MOV10L1: variants seen among roughly 807,000 people sequenced by gnomAD.
The protein encoded by MOV10L1 is Mov10 like RNA helicase 1, also known as RNA helicase Mov10l1.
Under a neutral mutation model 143.8 loss-of-function variants are expected in MOV10L1, and 110 were observed. The ratio of observed to expected loss-of-function variants is 0.76; its 90% CI spans 0.66 to 0.90. MOV10L1 has a LOEUF of 0.90. MOV10L1 is among the 40% of genes least tolerant of loss of function. MOV10L1 has a pLI of 0.00. For synonymous variants in MOV10L1, 593 were observed against 581.1 expected, an observed-to-expected ratio of 1.02 and a Z score of -0.29; for missense variants, 1,406 against 1,526.8, an observed-to-expected ratio of 0.92 and a Z score of 1.32.
Position 50,142,204 on chromosome 22 carries a change from G to A in MOV10L1, c.2179+15G>A. 6.3e-7 allele frequency: 1 copy of A among 1,594,720 alleles called. No homozygotes were observed. The highest frequency in any genetic ancestry group is 8.5e-7 in the Non-Finnish European group (1 of 1,170,576). On this transcript the variant is annotated intron_variant, in intron 16 of 26. Coordinates refer to ENST00000262794, the MANE Select transcript of MOV10L1 (RefSeq NM_018995.3). The stretch of plus-strand genomic sequence containing the variant: ...GAGCGATTGGGGTATGTGCTCATGA[G>A]GGGCAAGGAGAAGAGCAACTCTGAG...
chr22:50,148,491 A>T (rs951124475), intron 19 of MOV10L1, among the ~76,000 whole-genome samples: 4 of 152,098 alleles, frequency 2.6e-5, no homozygotes, highest in Admixed American at 1.3e-4. Flanking sequence ...TCCATCAGCA[A>T]CGCTGTGGAC....
intron 13 of MOV10L1, among the ~76,000 whole-genome samples, chr22:50,130,615 C>G (rs950802794): frequency 2.0e-5 from 3 of 152,088 alleles, no homozygotes; most frequent in African/African-American, 7.2e-5. Flanking sequence ...GATGAGAGAC[C>G]CCAGCATGTG....
At position 50,159,200 on chromosome 22, in the gene MOV10L1, C is replaced by T. The variant is rs556568558; in HGVS notation, c.3217-478C>T. 3 of 152,356 alleles carry T rather than the reference C, an allele frequency of 2.0e-5. No homozygotes were observed. The highest frequency in any genetic ancestry group is 4.1e-4 in the South Asian group (2 of 4,828). 9.4% of individuals were successfully genotyped at this position (152,356 alleles called of 1,614,324 possible). On this transcript the variant is annotated intron_variant, in intron 23 of 26. Transcript: ENST00000262794. This position sits in a 1 kb window ranked among gnomAD's most constrained non-coding sequence, Gnocchi z 4.1. ...TCCCCCGTCCCCAGTTTAACTAAAA[C>T]TGCAATTTGTGTTCTAATCAATTCA...
At chr22:50,106,865 C>T (rs1266787145) in intron 3 of MOV10L1, among the ~76,000 whole-genome samples, 1 of 151,424 alleles carries the variant, frequency 6.6e-6, no homozygotes, top group East Asian at 2.0e-4. Context: ...CCACGCCTGG[C>T]TAATTTTTTG....
chr22:50,115,557 A>C (rs1045791579), intron 8 of MOV10L1, among the ~76,000 whole-genome samples: 1 of 152,158 alleles, frequency 6.6e-6, no homozygotes, highest in Non-Finnish European at 1.5e-5. Flanking sequence ...TCTCAAAAAA[A>C]CAAAAAGGTA....
chr22:50,134,703 G>A lies in MOV10L1; in HGVS notation c.2070+73G>A, dbSNP rs1008873778. On this transcript the variant is annotated intron_variant, in intron 15 of 26. Transcript: ENST00000262794. ...ACGTGGCTGTCTTTACATAGGGGGTGGCTCAGCGGCGTGACTGTCTCTACA... is the reference window on the plus strand; with the variant it reads ...ACGTGGCTGTCTTTACATAGGGGGTAGCTCAGCGGCGTGACTGTCTCTACA... 29 of 1,324,514 alleles carry A rather than the reference G, an allele frequency of 2.2e-5. No individual in the cohort carries two copies. The Middle Eastern group carries it at 5.4e-4, about 25-fold the overall frequency. The allele number at this position is 1,324,514 out of a possible 1,614,324, so 82.0% of individuals were successfully genotyped here. A position where few individuals can be genotyped will look rare whatever the true frequency, so the allele number is the denominator to read the frequency against.
chr22:50,121,174 G>A (rs963251123), intron 10 of MOV10L1, among the ~76,000 whole-genome samples: 1 of 152,196 alleles, frequency 6.6e-6, no homozygotes, highest in Admixed American at 6.5e-5. Context: ...GGTTTGAGGT[G>A]TTCTGAGAGT....
chr22:50,103,225 C>T lies in MOV10L1; in HGVS notation c.442+3623C>T, dbSNP rs1282462137. ...GGGGCACGTGACTGGAGGAAGAGAC[C>T]GTGCTTGTGCATGTTTGAACAGCAC... On this transcript the variant is annotated intron_variant, in intron 3 of 26. Coordinates refer to ENST00000262794, the MANE Select transcript of MOV10L1 (RefSeq NM_018995.3). Among the ~76,000 whole-genome samples, 8 of 152,174 alleles carry T rather than the reference C, an allele frequency of 5.3e-5. No homozygotes were observed. In the East Asian group the frequency reaches 9.6e-4, roughly 18 times the overall value.
rs569375943 is a variant in MOV10L1 at position 50,135,281 on chromosome 22, G to A, written c.2070+651G>A. ...CCCTCCTCGGCCTCCCAAAGTGCTGGAATTACAGGCGTGAGCCACCACACC... is the reference window on the plus strand; with the variant it reads ...CCCTCCTCGGCCTCCCAAAGTGCTGAAATTACAGGCGTGAGCCACCACACC... On this transcript the variant is annotated intron_variant, in intron 15 of 26. Coordinates refer to ENST00000262794, the MANE Select transcript of MOV10L1 (RefSeq NM_018995.3). Among the ~76,000 whole-genome samples the A allele has an allele frequency of 3.3e-5, 5 of 151,944 alleles. No individual in the cohort carries two copies. The South Asian group carries it at 1.0e-3, about 32-fold the overall frequency.
intron 10 of MOV10L1, among the ~76,000 whole-genome samples, chr22:50,123,745 C>CA (rs2062417712): frequency 6.6e-6 from 1 of 152,166 alleles, no homozygotes; most frequent in Non-Finnish European, 1.5e-5. Context: ...AGTTAGTCTT[C>CA]AAATGTTTGG....
At chr22:50,100,538 G>T (rs1201234093) in intron 3 of MOV10L1, among the ~76,000 whole-genome samples, 3 of 151,522 alleles carry the variant, frequency 2.0e-5, no homozygotes, top group Non-Finnish European at 2.9e-5. Flanking sequence ...TTTTGAGATG[G>T]AGTCTCACCC....
chr22:50,099,740 G>A (rs530145374), intron 3 of MOV10L1, 138 bp downstream of exon 3: 7 of 1,027,320 alleles, frequency 6.8e-6, no homozygotes, highest in Middle Eastern at 3.2e-4. Context: ...TTGAGCCCAG[G>A]AGTTGGAGGC....
intron 3 of MOV10L1, among the ~76,000 whole-genome samples, 159 bp downstream of exon 3, chr22:50,099,761 T>A (rs2062689436): frequency 6.6e-6 from 1 of 152,182 alleles, no homozygotes; most frequent in Non-Finnish European, 1.5e-5. Context: ...TGCAGTGAGC[T>A]ATGATCCAGC....
At position 50,150,722 on chromosome 22, in the gene MOV10L1, C is replaced by G. The variant is rs1313558983; in HGVS notation, c.2728-13C>G. 6.2e-7 allele frequency: 1 copy of G among 1,612,564 alleles called. No individual in the cohort carries two copies. The highest frequency in any genetic ancestry group is 1.7e-5 in the Admixed American group (1 of 59,950). ...CCTCCCTGCATGAGCTGAGACGGGCCCTCTGTGTGCAGATCGTGCTGGCAG... is the reference window on the plus strand; with the variant it reads ...CCTCCCTGCATGAGCTGAGACGGGCGCTCTGTGTGCAGATCGTGCTGGCAG... On this transcript the variant is annotated splice_polypyrimidine_tract_variant and intron_variant, in intron 20 of 26. Coordinates refer to ENST00000262794, the MANE Select transcript of MOV10L1 (RefSeq NM_018995.3).
rs1161711959 is a variant in MOV10L1, at chr22:50,158,009, G to A, written c.3067-48G>A. On this transcript the variant is annotated intron_variant, in intron 22 of 26. Transcript: ENST00000262794. The surrounding 1 kb of genome is among the most constrained non-coding windows in gnomAD (Gnocchi z 5.0). Reference sequence around the variant, plus strand: ...TTCAGCTCCTGGATTGTAGCCTTCTGGTGAATATTCATGAAGTAAAGTAGG... The same window carrying A: ...TTCAGCTCCTGGATTGTAGCCTTCTAGTGAATATTCATGAAGTAAAGTAGG... 1.3e-6 allele frequency: 2 copies of A among 1,579,416 alleles called. No individual in the cohort carries two copies. Among genetic ancestry groups the A allele is most frequent in the Non-Finnish European group, 1.7e-6 (2 of 1,160,018 alleles).
intron 18 of MOV10L1, 150 bp downstream of exon 18, chr22:50,144,393 T>A (rs2063077781): frequency 7.1e-6 from 6 of 842,792 alleles, no homozygotes; most frequent in African/African-American, 6.8e-5. Context: ...CCATGGGCCC[T>A]CCCTCACCGC....
intron 10 of MOV10L1, among the ~76,000 whole-genome samples, chr22:50,123,515 C>G (rs1439949781): frequency 6.6e-6 from 1 of 152,208 alleles, no homozygotes; most frequent in African/African-American, 2.4e-5. Flanking sequence ...CAGGAATGAG[C>G]CACCACACCC....
chr22:50,151,108 G>A (rs930948013), intron 21 of MOV10L1, among the ~76,000 whole-genome samples: 2 of 152,360 alleles, frequency 1.3e-5, no homozygotes, highest in East Asian at 1.9e-4. Context: ...AGTAAAATAA[G>A]TTAAAATCTG....
rs1275148856 is a variant in MOV10L1, at chr22:50,143,106, A to G, written c.2243A>G (p.Asn748Ser). 1 of 1,614,118 alleles carries G rather than the reference A, an allele frequency of 6.2e-7. No homozygotes were observed. Among genetic ancestry groups the G allele is most frequent in the Non-Finnish European group, 8.5e-7 (1 of 1,180,036 alleles). Residue 748 changes from asparagine (N) to serine (S), a missense_variant, in exon 17 of 27, where the codon AAT becomes AGT. Around this residue, in one of 3 missense-constraint regions of MOV10L1, gnomAD observed 1,233 missense variants for 1,351.4 expected, o/e 0.91. Coordinates refer to ENST00000262794, the MANE Select transcript of MOV10L1 (RefSeq NM_018995.3). ...MEFFNPVLNENQKLAVKRILS... is the reference protein window; with the variant it reads ...MEFFNPVLNESQKLAVKRILS... ...TTTTTCAACCCAGTGCTAAATGAAA[A>G]TCAGAAGTTAGCAGTTAAAAGGATT...
Sources: allele counts gnomAD v4.1 joint callset (sites outside exome capture counted in the v4.1 genomes callset), GRCh38; gene constraint gnomAD v4.1.1; regional missense constraint gnomAD v4.1.1; non-coding constraint Gnocchi (gnomAD v3.1); transcripts MANE v1.5; gene names NCBI Gene and HGNC (gene_info 2026-07-23, HGNC 2026-07-21).